The following KCNQ5 variants were observed in gnomAD, a reference collection of about 807,000 sequenced individuals.
KCNQ5 encodes potassium voltage-gated channel subfamily KQT member 5.
In KCNQ5, 30 loss-of-function variants were observed where a neutral mutation model predicts 98.2. The ratio of observed to expected loss-of-function variants is 0.31; its 90% confidence interval spans 0.23 to 0.41. The LOEUF (loss-of-function observed/expected upper bound fraction) is 0.41, where lower values mean the gene tolerates loss of function less well. Among genes scored for constraint, KCNQ5 ranks in the 10% least tolerant of loss-of-function variants. KCNQ5 has a pLI of 1.00. For synonymous variants in KCNQ5, 458 were observed against 449.4 expected (o/e 1.02, Z -0.24); for missense variants, 835 against 1,182.5 (o/e 0.71, Z 4.31).
intron 1 of KCNQ5, among the ~76,000 whole-genome samples, chr6:72,912,385 G>C (rs990416239): frequency 6.6e-6 from 1 of 152,174 alleles, no homozygotes; most frequent in Non-Finnish European, 1.5e-5. Context: ...TCACCTTCTT[G>C]TTAATCCAGG....
intron 7 of KCNQ5, among the ~76,000 whole-genome samples, chr6:73,115,033 G>A (rs1341867279): frequency 6.6e-6 from 1 of 152,076 alleles, no homozygotes; most frequent in Non-Finnish European, 1.5e-5. Flanking sequence ...GCCAGGTGTG[G>A]TGACTCATGC....
chr6:72,755,497 G>T (rs1037851084), intron 1 of KCNQ5, among the ~76,000 whole-genome samples: 1 of 151,822 alleles, frequency 6.6e-6, no homozygotes, highest in Non-Finnish European at 1.5e-5. Context: ...TCTATAAGTT[G>T]TTCCTCTTTT....
chr6:72,629,217 T>G (rs570094874), intron 1 of KCNQ5, among the ~76,000 whole-genome samples: 14 of 152,352 alleles, frequency 9.2e-5, no homozygotes, highest in African/African-American at 3.4e-4. Flanking sequence ...ATGAATTACT[T>G]TACTACCTAC....
chr6:73,189,681 A>G (rs1339756157), intron 11 of KCNQ5, among the ~76,000 whole-genome samples: 1 of 152,226 alleles, frequency 6.6e-6, no homozygotes, highest in Non-Finnish European at 1.5e-5. Flanking sequence ...TTCAAATGTT[A>G]TGTTTCTCTG....
At chr6:72,777,823 C>A (rs1773235395) in intron 1 of KCNQ5, among the ~76,000 whole-genome samples, 1 of 152,136 alleles carries the variant, frequency 6.6e-6, no homozygotes, top group South Asian at 2.1e-4. Flanking sequence ...AATCTCTGCC[C>A]CGACACACCC....
intron 1 of KCNQ5, among the ~76,000 whole-genome samples, chr6:72,866,068 A>G (rs1407223652): frequency 3.9e-5 from 6 of 152,146 alleles, no homozygotes; most frequent in Admixed American, 3.9e-4. Flanking sequence ...CATTTTTTAA[A>G]CAGGAATACT....
rs186700547 is a variant in KCNQ5, at chr6:72,835,478, T to C, written c.399-168430T>C. On this transcript the variant is annotated intron_variant, in intron 1 of 13. Transcript: ENST00000370398. ...AAAATTGACTAAAATTTTGTGATTC[T>C]TAGATCACAAAATAAGGAATATATT... Among the ~76,000 whole-genome samples the C allele has an allele frequency of 3.5e-3, 528 of 152,252 alleles. 2 individuals are homozygous for C. Among genetic ancestry groups the C allele is most frequent in the Non-Finnish European group, 4.8e-3 (325 of 67,994 alleles).
chr6:73,156,617 C>A (rs918655984), intron 10 of KCNQ5, among the ~76,000 whole-genome samples: 1 of 138,728 alleles, frequency 7.2e-6, no homozygotes. Context: ...GAATGAGACT[C>A]CATTCAAAAA....
chr6:72,918,227 T>C (rs1780247488), intron 1 of KCNQ5, among the ~76,000 whole-genome samples: 1 of 152,066 alleles, frequency 6.6e-6, no homozygotes, highest in Non-Finnish European at 1.5e-5. Context: ...TGCTGCACAG[T>C]AGCATATTAG....
chr6:72,795,677 C>A (rs896064051), intron 1 of KCNQ5, among the ~76,000 whole-genome samples: 1 of 152,060 alleles, frequency 6.6e-6, no homozygotes, highest in East Asian at 1.9e-4. Flanking sequence ...GTATTAAAAG[C>A]ATTTGTTGTA....
rs910702016 is a variant in KCNQ5 at position 73,131,075 on chromosome 6, G to A, written c.1248-2346G>A. 2.0e-5 allele frequency among the ~76,000 whole-genome samples: 3 copies of A among 152,124 alleles called. No homozygotes were observed. In the East Asian group the frequency reaches 5.8e-4, roughly 29 times the overall value. On this transcript the variant is annotated intron_variant, in intron 9 of 13. Coordinates refer to ENST00000370398, the MANE Select transcript of KCNQ5 (RefSeq NM_019842.4). The stretch of plus-strand genomic sequence containing the variant: ...GCTTTAAATGATACTAAGATTTAGA[G>A]AATATTATTCACATTTTCCAATTTA...
At chr6:73,105,928 C>T (rs6453633) in intron 6 of KCNQ5, among the ~76,000 whole-genome samples, 32,860 of 152,096 alleles carry the variant, frequency 0.22, 8,096 homozygotes, top group African/African-American at 0.59. Context: ...TTATTTTCTC[C>T]TTAGTGAATG....
At chr6:72,644,017 GA>G (rs200809986) in intron 1 of KCNQ5, among the ~76,000 whole-genome samples, 106 of 148,100 alleles carry the variant, frequency 7.2e-4, no homozygotes, top group African/African-American at 2.6e-3. Flanking sequence ...TTTCTAAAAT[GA>G]AAAAAAAACA....
chr6:73,146,782 A>G (rs1280582006), intron 10 of KCNQ5, among the ~76,000 whole-genome samples: 1 of 152,146 alleles, frequency 6.6e-6, no homozygotes, highest in Non-Finnish European at 1.5e-5. Flanking sequence ...TGGCTTCACC[A>G]GGATTATCTC....
intron 10 of KCNQ5, chr6:73,134,040 G>C (rs10498890): frequency 0.025 from 11,924 of 470,622 alleles, 1,354 homozygotes; most frequent in Admixed American, 0.21. Context: ...TTGAAACACA[G>C]TAAGGAGGAT....
At chr6:72,843,026 C>T (rs1396090411) in intron 1 of KCNQ5, among the ~76,000 whole-genome samples, 2 of 152,182 alleles carry the variant, frequency 1.3e-5, no homozygotes, top group Non-Finnish European at 2.9e-5. Flanking sequence ...GTTGCCATTG[C>T]TTTCGGTATT....
At chr6:72,773,477 A>G (rs1276455103) in intron 1 of KCNQ5, among the ~76,000 whole-genome samples, 1 of 152,126 alleles carries the variant, frequency 6.6e-6, no homozygotes, top group Non-Finnish European at 1.5e-5. Context: ...GGGGAGGGAT[A>G]GCATTAGGAG....
intron 8 of KCNQ5, 38 bp from the exon 9 acceptor site, chr6:73,124,448 T>C (rs376652175): frequency 1.7e-5 from 28 of 1,608,612 alleles, no homozygotes; most frequent in Admixed American, 3.3e-5. Context: ...TATTCACTGG[T>C]TTATCATCAT....
intron 1 of KCNQ5, among the ~76,000 whole-genome samples, chr6:72,836,262 A>T (rs2150128351): frequency 6.6e-6 from 1 of 152,334 alleles, no homozygotes; most frequent in East Asian, 1.9e-4. Context: ...TATTCAAAAA[A>T]GCCTGTATTT....
Sources: gnomAD v4.1 joint callset for allele counts (sites outside exome capture counted in the v4.1 genomes callset) on GRCh38, gnomAD v4.1.1 for gene constraint, MANE v1.5 for transcripts, NCBI Gene and HGNC (gene_info 2026-07-23, HGNC 2026-07-21) for gene names.